ZNF438: variants seen among roughly 807,000 people sequenced by gnomAD.
The protein encoded by ZNF438 is zinc finger protein 438.
Under a neutral mutation model 38.0 loss-of-function variants are expected in ZNF438, and 25 were observed. The observed-to-expected ratio is 0.66, with a 90% CI of 0.48 to 0.92. The LOEUF (loss-of-function observed/expected upper bound fraction) is 0.92. Ranked by LOEUF, ZNF438 falls within the 40% of genes least tolerant of loss-of-function variation. ZNF438 has a pLI of 0.00. For synonymous variants in ZNF438, 372 were observed against 364.1 expected (o/e 1.02, Z -0.25); for missense variants, 1,007 against 999.6 (o/e 1.01, Z -0.10).
chr10:31,017,382 T>C (rs1457543088), intron 1 of ZNF438, among the ~76,000 whole-genome samples: 1 of 152,208 alleles, frequency 6.6e-6, no homozygotes, highest in Non-Finnish European at 1.5e-5. Flanking sequence ...AAAGATCTAA[T>C]AGCCTACTTC....
intron 3 of ZNF438, among the ~76,000 whole-genome samples, chr10:30,904,455 T>G (rs1346622213): frequency 6.6e-6 from 1 of 152,192 alleles, no homozygotes; most frequent in East Asian, 1.9e-4. Flanking sequence ...CTGGTGCAAG[T>G]TGCTCTATCA....
exon 4 of ZNF438, chr10:30,877,042 T>A: frequency 5.0e-6 from 8 of 1,603,494 alleles, no homozygotes; most frequent in Non-Finnish European, 6.8e-6. Flanking sequence ...CATTATGATG[T>A]ACTGGACTTG....
intron 1 of ZNF438, among the ~76,000 whole-genome samples, chr10:31,030,134 G>A (rs942431972): frequency 1.3e-5 from 2 of 151,932 alleles, no homozygotes; most frequent in East Asian, 1.9e-4. Flanking sequence ...AGTGTTCATT[G>A]CTATTAATTA....
intron 1 of ZNF438, among the ~76,000 whole-genome samples, chr10:30,980,254 T>TAAG (rs2051959925): frequency 7.3e-6 from 1 of 136,268 alleles, no homozygotes; most frequent in Non-Finnish European, 1.6e-5. Flanking sequence ...TGTTTAACAT[T>TAAG]AAAAAAAAAA....
At chr10:30,934,258 A>G (rs529163178) in intron 2 of ZNF438, among the ~76,000 whole-genome samples, 1 of 152,216 alleles carries the variant, frequency 6.6e-6, no homozygotes, top group South Asian at 2.1e-4. Context: ...TCAGGAATCC[A>G]AGCCCAAATG....
chr10:30,883,076 A>G (rs964407399), intron 3 of ZNF438, among the ~76,000 whole-genome samples: 1 of 152,188 alleles, frequency 6.6e-6, no homozygotes, highest in African/African-American at 2.4e-5. Context: ...AAAATGAGTA[A>G]GGACTTAAAA....
chr10:31,011,261 T>C (rs1021677003), intron 1 of ZNF438, among the ~76,000 whole-genome samples: 3 of 152,094 alleles, frequency 2.0e-5, no homozygotes, highest in Non-Finnish European at 4.4e-5. Context: ...AGGCTAACGG[T>C]TCTCAGAAGG....
At chr10:30,870,395 C>T (rs769264876) in intron 4 of ZNF438, among the ~76,000 whole-genome samples, 42 of 150,930 alleles carry the variant, frequency 2.8e-4, no homozygotes, top group Non-Finnish European at 5.0e-4. Context: ...ACTGTAAACA[C>T]GCATCCTTTT....
rs1453027635 is a variant in ZNF438 at position 30,998,427 on chromosome 10, C to T, written c.-192+33406G>A. Among the ~76,000 whole-genome samples the T allele has an allele frequency of 2.0e-5, 3 of 151,256 alleles. No homozygotes were observed. In the East Asian group the frequency reaches 5.9e-4, roughly 30 times the overall value. On this transcript the variant is annotated intron_variant, in intron 1 of 5. Transcript: ENST00000413025. ...GCATGGTGGCGGGCCCCTGTAGTCCCAGCTACTCAGGAGGCTGAGGCAGGA... is the reference window on the plus strand; with the variant it reads ...GCATGGTGGCGGGCCCCTGTAGTCCTAGCTACTCAGGAGGCTGAGGCAGGA...
chr10:30,854,115 C>T (rs558964761), intron 4 of ZNF438, among the ~76,000 whole-genome samples: 3 of 152,162 alleles, frequency 2.0e-5, no homozygotes, highest in East Asian at 1.9e-4. Flanking sequence ...GTCAGCAGAT[C>T]GAGACCATCC....
chr10:30,875,240 G>A (rs976921966), intron 4 of ZNF438: 1 of 985,280 alleles, frequency 1.0e-6, no homozygotes, highest in Non-Finnish European at 1.2e-6. Context: ...ACTGTGATGA[G>A]AAGCAAAGCA....
intron 4 of ZNF438, among the ~76,000 whole-genome samples, chr10:30,855,232 C>T (rs1268283681): frequency 1.3e-5 from 2 of 152,198 alleles, no homozygotes; most frequent in Admixed American, 6.5e-5. Flanking sequence ...GTCCTGGCTG[C>T]GAGAGCACCG....
At chr10:30,849,887 G>A in exon 5 of ZNF438, 2 of 1,614,144 alleles carry the variant, frequency 1.2e-6, no homozygotes, top group Non-Finnish European at 1.7e-6. Flanking sequence ...AAATGGACTG[G>A]GTTTGTACAG....
At chr10:30,970,101 C>A (rs2050572947) in intron 1 of ZNF438, among the ~76,000 whole-genome samples, 1 of 120,876 alleles carries the variant, frequency 8.3e-6, no homozygotes, top group Non-Finnish European at 1.7e-5. Flanking sequence ...GAAATGCTGG[C>A]TGATACACAC....
chr10:30,887,419 C>T (rs146990960), intron 3 of ZNF438, among the ~76,000 whole-genome samples: 41 of 152,248 alleles, frequency 2.7e-4, no homozygotes, highest in Middle Eastern at 3.4e-3. Context: ...GTTGCCCAGG[C>T]TGGAGTGCAG....
intron 3 of ZNF438, among the ~76,000 whole-genome samples, chr10:30,903,320 C>T (rs913623634): frequency 2.6e-5 from 4 of 152,150 alleles, no homozygotes; most frequent in Admixed American, 6.5e-5. Context: ...GCACCGAGAG[C>T]GAGTGAGGGC....
intron 4 of ZNF438, among the ~76,000 whole-genome samples, chr10:30,874,288 A>T (rs117572794): frequency 0.017 from 2,600 of 151,754 alleles, 46 homozygotes; most frequent in Non-Finnish European, 0.03. Context: ...AGCTGGGACT[A>T]TAGGCATGAG....
At position 31,007,785 on chromosome 10, in the gene ZNF438, C is replaced by T. The variant is rs1341812926; in HGVS notation, c.-192+24048G>A. Among the ~76,000 whole-genome samples the T allele has an allele frequency of 2.6e-5, 4 of 152,148 alleles. No individual in the cohort carries two copies. The East Asian group carries it at 7.7e-4, about 29-fold the overall frequency. On this transcript the variant is annotated intron_variant, in intron 1 of 5. Transcript: ENST00000413025. ...TTAGTTCTATTAATAGTAGAACACA[C>T]TTAATAGCACTGAAACCAAATAGTC... is the stretch of plus-strand genomic sequence containing the variant.
At chr10:30,875,694 G>T (rs989366137) in intron 4 of ZNF438, among the ~76,000 whole-genome samples, 14 of 152,170 alleles carry the variant, frequency 9.2e-5, no homozygotes, top group Admixed American at 8.5e-4. Context: ...GCTGGATTTT[G>T]TGTGAGTCTC....
Sources: gnomAD v4.1 joint callset for allele counts (sites outside exome capture counted in the v4.1 genomes callset) on GRCh38, gnomAD v4.1.1 for gene constraint, MANE v1.5 for transcripts, NCBI Gene and HGNC (gene_info 2026-07-23, HGNC 2026-07-21) for gene names.